HECW2: variants seen among roughly 807,000 people sequenced by gnomAD.
The protein encoded by HECW2 is HECT, C2 and WW domain containing E3 ubiquitin protein ligase 2.
Under a neutral mutation model 175.2 loss-of-function variants are expected in HECW2, and 61 were observed. The observed-to-expected ratio is 0.35, with a 90% confidence interval of 0.28 to 0.43. The LOEUF (loss-of-function observed/expected upper bound fraction) is 0.43, where lower values mean the gene tolerates loss of function less well. Among genes scored for constraint, HECW2 ranks in the 20% least tolerant of loss-of-function variants. HECW2 has a pLI of 1.00. For synonymous variants in HECW2, 671 were observed against 731.0 expected (o/e 0.92, Z 1.32); for missense variants, 1,524 against 2,000.5 (o/e 0.76, Z 4.54).
intron 14 of HECW2, among the ~76,000 whole-genome samples, chr2:196,282,899 C>T (rs984746637): frequency 1.3e-5 from 2 of 152,014 alleles, no homozygotes; most frequent in African/African-American, 2.4e-5. Flanking sequence ...AGGAGGGGTC[C>T]ATTCAGACGG....
intron 1 of HECW2, among the ~76,000 whole-genome samples, chr2:196,473,769 C>CA (rs1248839436): frequency 6.6e-6 from 1 of 152,206 alleles, no homozygotes; most frequent in Non-Finnish European, 1.5e-5. Context: ...GATAATAAAT[C>CA]ACTTGAAAAG....
intron 17 of HECW2, among the ~76,000 whole-genome samples, chr2:196,268,490 G>C (rs1319975544): frequency 1.3e-5 from 2 of 152,120 alleles, no homozygotes; most frequent in East Asian, 1.9e-4. Flanking sequence ...AACAAAACTT[G>C]AAGCTACCAA....
chr2:196,275,308 G>T (rs1439262251), intron 15 of HECW2, among the ~76,000 whole-genome samples: 1 of 152,054 alleles, frequency 6.6e-6, no homozygotes, highest in African/African-American at 2.4e-5. Flanking sequence ...ACTAAAGCTG[G>T]AAAGATATAA....
chr2:196,442,538 A>G (rs1318227556), intron 1 of HECW2, among the ~76,000 whole-genome samples: 16 of 152,244 alleles, frequency 1.1e-4, no homozygotes, highest in Non-Finnish European at 1.2e-4. Context: ...TAGAGAACAA[A>G]TTAACAACAA....
At chr2:196,460,430 A>G (rs953718085) in intron 1 of HECW2, among the ~76,000 whole-genome samples, 3 of 152,178 alleles carry the variant, frequency 2.0e-5, no homozygotes, top group African/African-American at 4.8e-5. Flanking sequence ...ATAATTTCCA[A>G]TGAAGTAAAA....
At chr2:196,331,486 C>T (rs1692358254) in intron 4 of HECW2, among the ~76,000 whole-genome samples, 1 of 152,118 alleles carries the variant, frequency 6.6e-6, no homozygotes, top group Admixed American at 6.5e-5. Context: ...GCCACACGCC[C>T]CAGTAAGATG....
rs1006900097 is a variant in HECW2 at position 196,319,247 on chromosome 2, T to C, written c.1643A>G (p.Glu548Gly). The C allele has an allele frequency of 3.7e-6, 6 of 1,600,708 alleles. No individual in the cohort carries two copies. Among genetic ancestry groups the C allele is most frequent in the Non-Finnish European group, 5.1e-6 (6 of 1,173,956 alleles). Residue 548 changes from glutamate (E) to glycine (G), a missense_variant, in exon 9 of 29, where the codon GAG becomes GGG. Physicochemically the swap from Glu to Gly is moderately conservative, Grantham distance 98. Coordinates refer to ENST00000644978, the MANE Select transcript of HECW2 (RefSeq NM_001348768.2). ...ESSLPAGPAP[E>G]EGEGGPEPQP... ...AGGCTCTGGGCCGCCTTCACCTTCCTCTGGGGCTGGGCCTGCAGGTAAGGA... is the reference window on the plus strand; with the variant it reads ...AGGCTCTGGGCCGCCTTCACCTTCCCCTGGGGCTGGGCCTGCAGGTAAGGA...
Position 196,319,034 on chromosome 2 carries a change from G to C in HECW2, c.1856C>G (p.Pro619Arg), listed in dbSNP as rs150979237. 586 of 1,613,806 alleles carry C rather than the reference G, an allele frequency of 3.6e-4. 1 individual carries two copies. The African/African-American group carries it at 6.7e-3, about 18-fold the overall frequency. The change falls in exon 9 of 29, where the codon CCT (proline) becomes CGT (arginine). Residue 619 changes from proline to arginine, a missense_variant. This residue lies in a region of HECW2 where 604 missense variants were observed against 588.3 expected (regional missense o/e 1.03). Transcript: ENST00000644978. Reference protein sequence around the residue: ...QVSSETEPSDPARTESVSEAS... With the variant: ...QVSSETEPSDRARTESVSEAS... ...TTCGCTCACACTCTCTGTCCTGGCA[G>C]GATCACTGGGTTCTGTTTCAGAGGA... is the stretch of plus-strand genomic sequence containing the variant.
intron 2 of HECW2, among the ~76,000 whole-genome samples, chr2:196,402,024 C>A (rs1396758853): frequency 4.0e-5 from 6 of 151,674 alleles, no homozygotes; most frequent in Admixed American, 3.3e-4. Flanking sequence ...CATGGTGAAA[C>A]CGTGTCTCTA....
chr2:196,520,875 C>T (rs983439493), intron 1 of HECW2, among the ~76,000 whole-genome samples: 4 of 151,958 alleles, frequency 2.6e-5, no homozygotes, highest in African/African-American at 7.3e-5. Context: ...TAACTCACCA[C>T]GTATAAGACA....
chr2:196,236,283 C>T (rs1057332798), intron 21 of HECW2, among the ~76,000 whole-genome samples: 7 of 152,142 alleles, frequency 4.6e-5, no homozygotes, highest in African/African-American at 7.2e-5. Flanking sequence ...AACAAGGAAA[C>T]AAATTGTCCA....
chr2:196,551,233 A>G (rs1689593339), intron 1 of HECW2, among the ~76,000 whole-genome samples: 1 of 152,230 alleles, frequency 6.6e-6, no homozygotes. Context: ...AAAGAATAAA[A>G]GTTTCACAAT....
At chr2:196,397,792 A>G (rs1290970350) in intron 2 of HECW2, among the ~76,000 whole-genome samples, 4 of 152,204 alleles carry the variant, frequency 2.6e-5, no homozygotes, top group Admixed American at 2.6e-4. Flanking sequence ...ATTTCCTTCC[A>G]TATATGCCAA....
At chr2:196,342,458 G>A (rs1354547562) in intron 3 of HECW2, among the ~76,000 whole-genome samples, 3 of 150,666 alleles carry the variant, frequency 2.0e-5, no homozygotes, top group African/African-American at 7.3e-5. Flanking sequence ...AAATGTAGAA[G>A]TTAACCTGGA....
chr2:196,398,686 T>C (rs1241165420), intron 2 of HECW2, among the ~76,000 whole-genome samples: 1 of 152,220 alleles, frequency 6.6e-6, no homozygotes, highest in Admixed American at 6.5e-5. Context: ...CCTAATCATA[T>C]GCCACTGCAT....
chr2:196,482,957 A>G (rs1686891898), intron 1 of HECW2, among the ~76,000 whole-genome samples: 1 of 152,172 alleles, frequency 6.6e-6, no homozygotes, highest in Non-Finnish European at 1.5e-5. Flanking sequence ...ATGCAAATAT[A>G]GTCCAGTTTT....
intron 1 of HECW2, among the ~76,000 whole-genome samples, chr2:196,546,044 C>A (rs1022525377): frequency 1.6e-4 from 25 of 152,158 alleles, no homozygotes; most frequent in African/African-American, 6.0e-4. Flanking sequence ...AAGGTGAGTT[C>A]TTTAAACCCA....
Position 196,219,720 on chromosome 2 carries a change from G to T in HECW2, c.4408+319C>A, listed in dbSNP as rs550384497. Among the ~76,000 whole-genome samples, 85 of 152,326 alleles carry T rather than the reference G, an allele frequency of 5.6e-4. 2 individuals are homozygous for T. Among genetic ancestry groups the T allele is most frequent in the Non-Finnish European group, 8.7e-4 (59 of 68,024 alleles). The stretch of plus-strand genomic sequence containing the variant: ...AAATGGAATAGGTGGAGTTTGACCA[G>T]CTGGATGTTAGCTCCTTGGTGCTTC... On this transcript the variant is annotated intron_variant, in intron 26 of 28. Coordinates refer to ENST00000644978, the MANE Select transcript of HECW2 (RefSeq NM_001348768.2).
At chr2:196,389,096 G>A (rs1021138575) in intron 2 of HECW2, among the ~76,000 whole-genome samples, 11 of 152,276 alleles carry the variant, frequency 7.2e-5, no homozygotes, top group African/African-American at 2.6e-4. Context: ...ATCTGTTGTG[G>A]AGTCACTTTA....
Sources: allele counts gnomAD v4.1 joint callset (sites outside exome capture counted in the v4.1 genomes callset), GRCh38; gene constraint gnomAD v4.1.1; regional missense constraint gnomAD v4.1.1; transcripts MANE v1.5; gene names NCBI Gene and HGNC (gene_info 2026-07-23, HGNC 2026-07-21).